Variants in KCTD5 observed in about 807,000 individuals in gnomAD.
The protein encoded by KCTD5 is BTB/POZ domain-containing protein KCTD5.
Under a neutral mutation model 27.9 loss-of-function variants are expected in KCTD5, and 12 were observed. The observed-to-expected ratio is 0.43, with a 90% confidence interval of 0.28 to 0.70. KCTD5 has a LOEUF of 0.70. Ranked by LOEUF, KCTD5 falls within the 30% of genes least tolerant of loss-of-function variation. KCTD5 has a pLI of 0.19. For missense variants in KCTD5, 226 were observed against 274.8 expected (o/e 0.82, Z 1.26); for synonymous variants, 147 against 121.4 (o/e 1.21, Z -1.39).
intron 1 of KCTD5, among the ~76,000 whole-genome samples, chr16:2,688,378 G>A (rs1157996604): frequency 2.0e-5 from 3 of 151,706 alleles, no homozygotes; most frequent in Non-Finnish European, 4.4e-5. Context: ...ACCCTCCCAA[G>A]TAGCTGGGAT....
At chr16:2,703,996 G>A (rs557858469) in intron 5 of KCTD5, among the ~76,000 whole-genome samples, 3 of 152,198 alleles carry the variant, frequency 2.0e-5, no homozygotes, top group African/African-American at 4.8e-5. Flanking sequence ...TTATTTCTGA[G>A]CTGAGTTTTT....
At chr16:2,691,428 C>T (rs1414654717) in intron 1 of KCTD5, among the ~76,000 whole-genome samples, 5 of 152,360 alleles carry the variant, frequency 3.3e-5, no homozygotes, top group South Asian at 2.1e-4. Context: ...GCCTACTGCT[C>T]GCCCTTCAGC....
At chr16:2,701,168 C>G (rs1363062687) in intron 4 of KCTD5, among the ~76,000 whole-genome samples, 1 of 152,226 alleles carries the variant, frequency 6.6e-6, no homozygotes, top group Non-Finnish European at 1.5e-5. Context: ...GGGCACCTGC[C>G]TCCCGGGGCA....
chr16:2,702,518 T>A, intron 5 of KCTD5, 40 bp downstream of exon 5: 1 of 1,604,582 alleles, frequency 6.2e-7, no homozygotes, highest in African/African-American at 1.3e-5. Flanking sequence ...CAGTCTTGGG[T>A]GGGGAAGGCT....
At chr16:2,696,657 G>A (rs1378155230) in intron 2 of KCTD5, among the ~76,000 whole-genome samples, 2 of 152,188 alleles carry the variant, frequency 1.3e-5, no homozygotes, top group Non-Finnish European at 2.9e-5. Flanking sequence ...CCTGCGTGCG[G>A]GCGTGGCCCT....
chr16:2,691,707 G>C (rs1038856155), intron 1 of KCTD5, among the ~76,000 whole-genome samples: 1 of 152,148 alleles, frequency 6.6e-6, no homozygotes, highest in African/African-American at 2.4e-5. Context: ...CTTGGTAGAC[G>C]CAGCTGGGGT....
intron 1 of KCTD5, among the ~76,000 whole-genome samples, chr16:2,687,110 G>A (rs1238441231): frequency 6.6e-6 from 1 of 152,214 alleles, no homozygotes; most frequent in Admixed American, 6.5e-5. Flanking sequence ...CACTGCAGCA[G>A]GTGCTGGTCC....
chr16:2,692,394 C>G (rs1336476092), intron 1 of KCTD5, among the ~76,000 whole-genome samples: 1 of 152,164 alleles, frequency 6.6e-6, no homozygotes, highest in African/African-American at 2.4e-5. Context: ...GTAGGCAGGT[C>G]GGCTCATTCA....
In KCTD5 at chr16:2,698,975, G is replaced by A. The variant is rs575145562; in HGVS notation, c.454-846G>A. ...GGAAATGGTGCAGGTGGGAGAGTCT[G>A]CGGTCCAGCCTTGCTGTGACACAGT... On this transcript the variant is annotated intron_variant, in intron 3 of 5. Transcript: ENST00000301738. Among the ~76,000 whole-genome samples the A allele has an allele frequency of 2.6e-5, 4 of 152,376 alleles. No individual in the cohort carries two copies. In the South Asian group the frequency reaches 6.2e-4, roughly 24 times the overall value.
At chr16:2,698,597 C>G (rs2067597070) in intron 3 of KCTD5, among the ~76,000 whole-genome samples, 2 of 152,102 alleles carry the variant, frequency 1.3e-5, no homozygotes, top group Admixed American at 1.3e-4. Flanking sequence ...GAGCCCGCCC[C>G]CCCCACCCAA....
intron 5 of KCTD5, among the ~76,000 whole-genome samples, chr16:2,706,721 A>G (rs1368432542): frequency 6.6e-6 from 1 of 151,286 alleles, no homozygotes; most frequent in Non-Finnish European, 1.5e-5. Context: ...CGTGGTACAG[A>G]TGAGGAGGGG....
At chr16:2,699,724 G>C in intron 3 of KCTD5, 97 bp from the exon 4 acceptor site, 2 of 1,069,178 alleles carry the variant, frequency 1.9e-6, no homozygotes, top group South Asian at 2.6e-5. Flanking sequence ...GAGAACTGCA[G>C]AGTGGACCTC....
At chr16:2,693,405 C>T (rs2067575392) in intron 1 of KCTD5, among the ~76,000 whole-genome samples, 2 of 152,238 alleles carry the variant, frequency 1.3e-5, no homozygotes, top group Admixed American at 6.5e-5. Context: ...GCCACAAAAG[C>T]TGCCTCCTAA....
intron 4 of KCTD5, among the ~76,000 whole-genome samples, chr16:2,702,127 G>T (rs2067614649): frequency 6.6e-6 from 1 of 152,208 alleles, no homozygotes; most frequent in African/African-American, 2.4e-5. Flanking sequence ...AAAGCTCAGG[G>T]TCCTCACAGA....
At chr16:2,703,946 G>T (rs531978220) in intron 5 of KCTD5, among the ~76,000 whole-genome samples, 1 of 152,228 alleles carries the variant, frequency 6.6e-6, no homozygotes, top group South Asian at 2.1e-4. Flanking sequence ...TGGAGCAATC[G>T]TAGGGCTCTT....
rs770220021 is a variant in KCTD5 at position 2,702,365 on chromosome 16, G to A, written c.562G>A (p.Gly188Ser). 8 of 1,613,380 alleles carry A rather than the reference G, an allele frequency of 5.0e-6. No individual in the cohort carries two copies. In the African/African-American group the frequency reaches 6.7e-5, roughly 13 times the overall value. The part of the protein sequence containing the change: ...GWKFEQLVSI[G>S]SSYNYGNEDQ... ...TGTCTCCTTGCAGTTGGTCAGCATC[G>A]GCTCCTCTTACAACTATGGGAACGA... The change falls in exon 5 of 6, where the codon GGC becomes AGC. Residue 188 changes from glycine to serine, a missense_variant. Coordinates refer to ENST00000301738, the MANE Select transcript of KCTD5 (RefSeq NM_018992.4).
chr16:2,685,151 C>A (rs1051800493), intron 1 of KCTD5, among the ~76,000 whole-genome samples: 2 of 152,082 alleles, frequency 1.3e-5, no homozygotes, highest in Non-Finnish European at 2.9e-5. Context: ...AGGGGCCGGG[C>A]AAGGTGGCTC....
intron 1 of KCTD5, among the ~76,000 whole-genome samples, chr16:2,688,789 C>T (rs759694915): frequency 4.9e-5 from 3 of 61,354 alleles, no homozygotes; most frequent in Non-Finnish European, 9.7e-5. Context: ...GGGACTGGAC[C>T]CTGCACTGTG....
rs1567196174 is a variant in KCTD5 at position 2,702,391 on chromosome 16, A to C, written c.588A>C (p.Glu196Asp). Residue 196 changes from glutamate (E) to aspartate (D), a missense_variant, in exon 5 of 6, where the codon GAA becomes GAC. By Grantham distance (45) the Glu-to-Asp change is conservative. This residue lies in a region of KCTD5 where 135 missense variants were observed against 207.0 expected (regional missense o/e 0.65). Transcript: ENST00000301738. ...GCTCCTCTTACAACTATGGGAACGAAGACCAAGCCGAGTTCCTCTGTGTGG... is the reference window on the plus strand; with the variant it reads ...GCTCCTCTTACAACTATGGGAACGACGACCAAGCCGAGTTCCTCTGTGTGG... ...SIGSSYNYGN[E>D]DQAEFLCVVS... 1 of 1,613,518 alleles carries C rather than the reference A, an allele frequency of 6.2e-7. No individual in the cohort carries two copies. Among genetic ancestry groups the C allele is most frequent in the Admixed American group, 1.7e-5 (1 of 60,022 alleles).
Sources: gnomAD v4.1 joint callset for allele counts (sites outside exome capture counted in the v4.1 genomes callset) on GRCh38, gnomAD v4.1.1 for gene constraint, gnomAD v4.1.1 regional missense constraint, MANE v1.5 for transcripts, NCBI Gene and HGNC (gene_info 2026-07-23, HGNC 2026-07-21) for gene names.